CD86: variants seen among roughly 807,000 people sequenced by gnomAD.
CD86 encodes CD86 molecule, also known as T-lymphocyte activation antigen CD86.
In CD86, 11 loss-of-function variants were observed where a neutral mutation model predicts 32.1. That is an observed-to-expected ratio of 0.34 (90% CI 0.22 to 0.57). The LOEUF (loss-of-function observed/expected upper bound fraction) is 0.57. Among genes scored for constraint, CD86 ranks in the 20% least tolerant of loss-of-function variants. The pLI, the probability that CD86 is intolerant of heterozygous loss-of-function variation, is 0.86. For synonymous variants in CD86, 137 were observed against 135.3 expected, an observed-to-expected ratio of 1.01 and a Z score of -0.09; for missense variants, 359 against 398.4, an observed-to-expected ratio of 0.90 and a Z score of 0.84.
chr3:122,104,321 G>C (rs2073057461), intron 3 of CD86, among the ~76,000 whole-genome samples: 1 of 152,058 alleles, frequency 6.6e-6, no homozygotes, highest in Non-Finnish European at 1.5e-5. Flanking sequence ...CCTCTAGGTT[G>C]CTTATGAGTT....
intron 1 of CD86, among the ~76,000 whole-genome samples, chr3:122,076,046 A>T (rs1299299772): frequency 6.6e-6 from 1 of 152,216 alleles, no homozygotes; most frequent in Non-Finnish European, 1.5e-5. Context: ...GCAGGGTTTG[A>T]ACACAGGTCT....
chr3:122,068,100 T>TA lies in CD86; in HGVS notation c.14+12607dup, dbSNP rs577628171. On this transcript the variant is annotated intron_variant, in intron 1 of 6. Coordinates refer to ENST00000330540, the MANE Select transcript of CD86 (RefSeq NM_175862.5). ...CAGCTCTGTTGTGAAATGGAAACTTTAAAAAAAAAATCACTGATTTAAAAA... is the reference window on the plus strand; with the variant it reads ...CAGCTCTGTTGTGAAATGGAAACTTTAAAAAAAAAAATCACTGATTTAAAAA... 8.2e-4 allele frequency among the ~76,000 whole-genome samples: 123 copies of TA among 150,434 alleles called. 1 individual carries two copies. The South Asian group carries it at 0.016, about 19-fold the overall frequency.
intron 1 of CD86, among the ~76,000 whole-genome samples, chr3:122,061,429 A>T (rs934728780): frequency 2.0e-5 from 3 of 152,238 alleles, no homozygotes; most frequent in Non-Finnish European, 4.4e-5. Context: ...AGAAATAAAC[A>T]TGACAAAAAG....
chr3:122,079,707 G>A (rs2072604202), intron 1 of CD86, among the ~76,000 whole-genome samples: 1 of 152,092 alleles, frequency 6.6e-6, no homozygotes, highest in Admixed American at 6.5e-5. Flanking sequence ...GCTTACACTC[G>A]GGCTGAGGTT....
chr3:122,094,882 A>G (rs1215017936), intron 2 of CD86, among the ~76,000 whole-genome samples: 1 of 152,246 alleles, frequency 6.6e-6, no homozygotes, highest in African/African-American at 2.4e-5. Context: ...GTATTTACAA[A>G]GCGAAAGGAA....
At chr3:122,104,403 C>T (rs1349906860) in intron 3 of CD86, among the ~76,000 whole-genome samples, 3 of 152,202 alleles carry the variant, frequency 2.0e-5, no homozygotes, top group Non-Finnish European at 2.9e-5. Flanking sequence ...CACAAACTTA[C>T]AAACCAGCTC....
chr3:122,077,659 C>A, intron 1 of CD86: 1 of 482,280 alleles, frequency 2.1e-6, no homozygotes, highest in Non-Finnish European at 2.7e-6. Flanking sequence ...GGGAATCTGT[C>A]AGGGAAGGTG....
intron 6 of CD86, 71 bp downstream of exon 6, chr3:122,118,164 T>A: frequency 7.9e-7 from 1 of 1,262,260 alleles, no homozygotes; most frequent in Non-Finnish European, 1.2e-6. Context: ...TTGAATAGGC[T>A]TATGCCTAAC....
intron 2 of CD86, among the ~76,000 whole-genome samples, chr3:122,096,387 T>C (rs1029965445): frequency 6.6e-6 from 1 of 152,190 alleles, no homozygotes; most frequent in Admixed American, 6.5e-5. Flanking sequence ...TTATAATTTC[T>C]TGTACTTTTT....
chr3:122,093,582 T>A lies in CD86; in HGVS notation c.64+1932T>A, dbSNP rs114990366. Among the ~76,000 whole-genome samples, 628 of 152,334 alleles carry A rather than the reference T, an allele frequency of 4.1e-3. 4 individuals are homozygous for A. Among genetic ancestry groups the A allele is most frequent in the African/African-American group, 0.014 (588 of 41,582 alleles). ...TGTAACACAATGGTATGTATTTTTG[T>A]ATCTGAACATATCTAAGCATAGAAA... is the stretch of plus-strand genomic sequence containing the variant. On this transcript the variant is annotated intron_variant, in intron 2 of 6. Coordinates refer to ENST00000330540, the MANE Select transcript of CD86 (RefSeq NM_175862.5).
intron 2 of CD86, 85 bp from the exon 3 acceptor site, chr3:122,103,427 A>G (rs1192469235): frequency 2.5e-6 from 2 of 809,198 alleles, no homozygotes; most frequent in Non-Finnish European, 4.0e-6. Context: ...ATAAGATAGT[A>G]TCTGGGTATT....
chr3:122,078,634 G>A (rs2072587528), intron 1 of CD86, among the ~76,000 whole-genome samples: 1 of 152,096 alleles, frequency 6.6e-6, no homozygotes, highest in African/African-American at 2.4e-5. Flanking sequence ...AAATATTCTT[G>A]GGTCAAAAAA....
chr3:122,097,694 AG>A (rs1236959457), intron 2 of CD86, among the ~76,000 whole-genome samples: 1 of 152,172 alleles, frequency 6.6e-6, no homozygotes, highest in Non-Finnish European at 1.5e-5. Context: ...GGAGTGGAAA[AG>A]TACAAAGTAC....
intron 3 of CD86, among the ~76,000 whole-genome samples, chr3:122,105,323 C>G (rs78873318): frequency 1.9e-3 from 295 of 152,278 alleles, no homozygotes; most frequent in Non-Finnish European, 3.5e-3. Flanking sequence ...CACATAGACT[C>G]CAAGAAGACT....
At chr3:122,102,310 C>T (rs2073022257) in intron 2 of CD86, among the ~76,000 whole-genome samples, 2 of 151,490 alleles carry the variant, frequency 1.3e-5, no homozygotes, top group Non-Finnish European at 2.9e-5. Context: ...TTAGAACTTA[C>T]ACTAACTTCC....
At chr3:122,084,225 A>G (rs1486681554) in intron 1 of CD86, among the ~76,000 whole-genome samples, 2 of 152,154 alleles carry the variant, frequency 1.3e-5, no homozygotes, top group Admixed American at 6.6e-5. Flanking sequence ...GACCTCAGGT[A>G]ATCTGCCCAC....
chr3:122,056,277 C>T (rs981044527), intron 1 of CD86, among the ~76,000 whole-genome samples: 3 of 152,278 alleles, frequency 2.0e-5, no homozygotes, highest in Admixed American at 2.0e-4. Flanking sequence ...TGGAAGGAGT[C>T]ACACCCGCCC....
At chr3:122,081,072 T>G (rs568787030) in intron 1 of CD86, among the ~76,000 whole-genome samples, 2 of 152,338 alleles carry the variant, frequency 1.3e-5, no homozygotes, top group South Asian at 4.1e-4. Flanking sequence ...TCCCAAACTA[T>G]TAATTCCAAA....
At chr3:122,106,563 T>A in intron 4 of CD86, 63 bp downstream of exon 4, 1 of 1,388,152 alleles carries the variant, frequency 7.2e-7, no homozygotes, top group African/African-American at 1.4e-5. Context: ...TTAAGGCAGA[T>A]CATCCAATGT....
Sources: allele counts gnomAD v4.1 joint callset (sites outside exome capture counted in the v4.1 genomes callset), GRCh38; gene constraint gnomAD v4.1.1; transcripts MANE v1.5; gene names NCBI Gene and HGNC (gene_info 2026-07-23, HGNC 2026-07-21).